Variants in MYRIP observed in about 807,000 individuals in gnomAD.
MYRIP encodes myosin VIIA and Rab interacting protein, also known as rab effector MyRIP.
In MYRIP, 49 loss-of-function variants were observed where a neutral mutation model predicts 98.0. The ratio of observed to expected loss-of-function variants is 0.50; its 90% CI spans 0.40 to 0.63. The LOEUF (loss-of-function observed/expected upper bound fraction) is 0.63, where lower values mean the gene tolerates loss of function less well. Ranked by LOEUF, MYRIP falls within the 30% of genes least tolerant of loss-of-function variation. The probability of loss-of-function intolerance (pLI) is 0.00; values close to 1 mark genes in which losing one functional copy is unlikely to be tolerated. For synonymous variants in MYRIP, 404 were observed against 409.5 expected, an observed-to-expected ratio of 0.99 and a Z score of 0.16; for missense variants, 1,004 against 1,058.2, an observed-to-expected ratio of 0.95 and a Z score of 0.71.
At chr3:40,150,399 G>A (rs1213917287) in intron 3 of MYRIP, among the ~76,000 whole-genome samples, 1 of 152,144 alleles carries the variant, frequency 6.6e-6, no homozygotes, top group Admixed American at 6.5e-5. Context: ...CCTGAATCTT[G>A]CCAATGTTTT....
chr3:40,225,415 G>A (rs999765997), intron 11 of MYRIP, among the ~76,000 whole-genome samples: 8 of 152,172 alleles, frequency 5.3e-5, no homozygotes, highest in Admixed American at 1.3e-4. Context: ...AGGACTCCCT[G>A]TCGTTAGACT....
intron 1 of MYRIP, among the ~76,000 whole-genome samples, chr3:39,821,105 C>T (rs753525205): frequency 9.9e-5 from 15 of 152,074 alleles, no homozygotes; most frequent in Middle Eastern, 6.8e-3. Context: ...AAATTGCTTC[C>T]CCAAAAGGTG....
Position 40,126,278 on chromosome 3 carries a change from T to C in MYRIP, c.333-24770T>C, listed in dbSNP as rs528102101. On this transcript the variant is annotated intron_variant, in intron 3 of 16. Transcript: ENST00000302541. ...TCTGGGGTGGGGCCGAACAAGCTGG[T>C]TTTAACAAGCCTTCCAGGAGATCCT... Among the ~76,000 whole-genome samples, 30 of 152,286 alleles carry C rather than the reference T, an allele frequency of 2.0e-4. 1 individual carries two copies. The South Asian group carries it at 5.8e-3, about 29-fold the overall frequency.
At chr3:39,846,173 A>G (rs1478509517) in intron 1 of MYRIP, among the ~76,000 whole-genome samples, 4 of 143,556 alleles carry the variant, frequency 2.8e-5, no homozygotes, top group African/African-American at 1.1e-4. Flanking sequence ...GGTCCCCTGA[A>G]CTCTCTCAAC....
chr3:40,153,497 C>T (rs979771673), intron 4 of MYRIP, among the ~76,000 whole-genome samples: 1 of 151,988 alleles, frequency 6.6e-6, no homozygotes, highest in African/African-American at 2.4e-5. Flanking sequence ...GCCAAGGGCG[C>T]TTTGAAAAAA....
chr3:39,884,289 G>A (rs556014830), intron 1 of MYRIP, among the ~76,000 whole-genome samples: 4 of 152,132 alleles, frequency 2.6e-5, no homozygotes, highest in African/African-American at 7.2e-5. Flanking sequence ...GTCCCTCCCT[G>A]CTCCTCCCTG....
At chr3:40,250,169 T>C (rs939245352) in intron 13 of MYRIP, 53 bp from the exon 14 acceptor site, 3 of 1,406,272 alleles carry the variant, frequency 2.1e-6, no homozygotes, top group Non-Finnish European at 3.0e-6. Context: ...TTAAGAAATA[T>C]TTTCCCCTTC....
chr3:39,912,992 A>G (rs1277875747), intron 2 of MYRIP, among the ~76,000 whole-genome samples: 1 of 152,204 alleles, frequency 6.6e-6, no homozygotes, highest in Admixed American at 6.5e-5. Flanking sequence ...GTAAGCTGAG[A>G]TTGCACCACT....
At chr3:40,120,173 AG>A (rs1949371684) in intron 3 of MYRIP, among the ~76,000 whole-genome samples, 1 of 152,182 alleles carries the variant, frequency 6.6e-6, no homozygotes, top group South Asian at 2.1e-4. Flanking sequence ...CAAATGGTGA[AG>A]TTTTATTATA....
chr3:40,181,302 A>T (rs536610833), intron 8 of MYRIP, among the ~76,000 whole-genome samples: 34 of 152,124 alleles, frequency 2.2e-4, no homozygotes, highest in African/African-American at 7.0e-4. Context: ...TCTCTGAAAG[A>T]GCTTGCCTTT....
intron 3 of MYRIP, among the ~76,000 whole-genome samples, chr3:40,148,370 G>A (rs1249246856): frequency 6.6e-6 from 1 of 151,982 alleles, no homozygotes; most frequent in Admixed American, 6.6e-5. Context: ...TTATGTCTTT[G>A]ATTTTTTCCC....
intron 1 of MYRIP, among the ~76,000 whole-genome samples, chr3:39,824,481 C>A (rs1050706355): frequency 2.6e-5 from 4 of 152,020 alleles, no homozygotes; most frequent in Non-Finnish European, 5.9e-5. Flanking sequence ...TTATTTTGAA[C>A]CTTGAACATG....
At chr3:40,002,975 T>C (rs909328641) in intron 2 of MYRIP, among the ~76,000 whole-genome samples, 16 of 151,854 alleles carry the variant, frequency 1.1e-4, no homozygotes, top group Non-Finnish European at 2.1e-4. Context: ...TATATCTATA[T>C]GTATCTAGAC....
chr3:39,811,334 T>C (rs871231), intron 1 of MYRIP, among the ~76,000 whole-genome samples: 54,918 of 151,942 alleles, frequency 0.36, 10,606 homozygotes, highest in African/African-American at 0.49. Flanking sequence ...TTGGAGTTCA[T>C]AGGATATGAT....
intron 3 of MYRIP, among the ~76,000 whole-genome samples, chr3:40,072,704 T>C (rs184680027): frequency 1.3e-3 from 196 of 152,356 alleles, no homozygotes; most frequent in African/African-American, 4.4e-3. Flanking sequence ...ATTTATATTA[T>C]TGATTTCTAA....
At chr3:40,016,819 C>T (rs1028938574) in intron 2 of MYRIP, among the ~76,000 whole-genome samples, 2 of 152,214 alleles carry the variant, frequency 1.3e-5, no homozygotes, top group African/African-American at 4.8e-5. Flanking sequence ...AAAGTTTGTG[C>T]GGATTACAAG....
chr3:40,151,252 C>T (rs1016135445), intron 4 of MYRIP, 68 bp downstream of exon 4: 2 of 1,492,982 alleles, frequency 1.3e-6, no homozygotes, highest in African/African-American at 2.8e-5. Flanking sequence ...GGCTCAGGGG[C>T]CCTGAACACT....
chr3:40,137,126 T>A (rs924775165), intron 3 of MYRIP, among the ~76,000 whole-genome samples: 15 of 152,268 alleles, frequency 9.9e-5, no homozygotes, highest in Admixed American at 7.8e-4. Flanking sequence ...ACAAAATTGA[T>A]AGACTGCTAG....
intron 2 of MYRIP, among the ~76,000 whole-genome samples, chr3:40,018,969 C>G (rs1946929328): frequency 6.6e-6 from 1 of 152,180 alleles, no homozygotes; most frequent in East Asian, 1.9e-4. Flanking sequence ...TTAAAAACCT[C>G]TTTTTCATTA....
Sources: gnomAD v4.1 joint callset for allele counts (sites outside exome capture counted in the v4.1 genomes callset) on GRCh38, gnomAD v4.1.1 for gene constraint, MANE v1.5 for transcripts, NCBI Gene and HGNC (gene_info 2026-07-23, HGNC 2026-07-21) for gene names.